Variants in FAM185A observed in about 807,000 individuals in gnomAD.
FAM185A encodes the protein protein FAM185A.
FAM185A carries 21 observed loss-of-function variants against 45.7 expected under a neutral mutation model. The ratio of observed to expected loss-of-function variants is 0.46; its 90% CI spans 0.33 to 0.66. The LOEUF (loss-of-function observed/expected upper bound fraction) is 0.66. FAM185A is among the 30% of genes least tolerant of loss of function. The pLI is 0.03. For synonymous variants in FAM185A, 117 were observed against 194.0 expected, an observed-to-expected ratio of 0.60 and a Z score of 3.30; for missense variants, 305 against 485.4, an observed-to-expected ratio of 0.63 and a Z score of 3.49.
At chr7:102,771,246 A>T (rs1794727559) in intron 4 of FAM185A, among the ~76,000 whole-genome samples, 1 of 152,026 alleles carries the variant, frequency 6.6e-6, no homozygotes, top group Non-Finnish European at 1.5e-5. Flanking sequence ...TTGAAAAACT[A>T]TTGGGTACTA....
the FAM185A span, among the ~76,000 whole-genome samples, chr7:102,826,724 C>CTCATAT: frequency 1.6e-4 from 10 of 62,710 alleles, no homozygotes; most frequent in African/African-American, 4.6e-4. Context: ...GACCCTGTCT[C>CTCATAT]ATATATATAT....
chr7:102,828,174 A>G, the FAM185A span, among the ~76,000 whole-genome samples: 1 of 152,182 alleles, frequency 6.6e-6, no homozygotes, highest in Non-Finnish European at 1.5e-5. Context: ...TACCTTGGGC[A>G]GTATGGCCAT....
intron 7 of FAM185A, among the ~76,000 whole-genome samples, chr7:102,797,382 A>G (rs1422261992): frequency 6.6e-6 from 1 of 151,782 alleles, no homozygotes; most frequent in East Asian, 1.9e-4. Context: ...AGGCTGAGGG[A>G]GGAGAATCAT....
intron 7 of FAM185A, among the ~76,000 whole-genome samples, chr7:102,803,224 A>T (rs1236681265): frequency 4.6e-5 from 7 of 152,174 alleles, no homozygotes; most frequent in Admixed American, 6.5e-5. Flanking sequence ...AAAGGATACA[A>T]CCAAAAAAGA....
the FAM185A span, among the ~76,000 whole-genome samples, chr7:102,847,207 GAA>G: frequency 7.0e-6 from 1 of 142,108 alleles, no homozygotes. Flanking sequence ...AACTTTACAG[GAA>G]AAAAAAAAAA....
the FAM185A span, among the ~76,000 whole-genome samples, chr7:102,846,527 G>A: frequency 7.7e-6 from 1 of 129,406 alleles, no homozygotes; most frequent in South Asian, 2.3e-4. Context: ...GCTGAGGTGG[G>A]AGAATTGTCT....
chr7:102,785,988 A>T (rs2129441224), intron 6 of FAM185A, among the ~76,000 whole-genome samples: 1 of 152,342 alleles, frequency 6.6e-6, no homozygotes, highest in African/African-American at 2.4e-5. Context: ...TTACAAGAAA[A>T]AAACAAACAG....
At chr7:102,844,793 C>G in the FAM185A span, among the ~76,000 whole-genome samples, 9 of 152,134 alleles carry the variant, frequency 5.9e-5, no homozygotes, top group Non-Finnish European at 1.2e-4. Context: ...ATCGCAAGTC[C>G]CAGGTTGTCA....
chr7:102,766,788 TTTTTG>T (rs1220721631), intron 4 of FAM185A, among the ~76,000 whole-genome samples: 4 of 151,734 alleles, frequency 2.6e-5, no homozygotes, highest in South Asian at 2.1e-4. Context: ...TTTTTTGTTT[TTTTTG>T]TTTTGTTTTG....
the FAM185A span, among the ~76,000 whole-genome samples, chr7:102,838,863 A>T: frequency 6.6e-6 from 1 of 152,156 alleles, no homozygotes; most frequent in Admixed American, 6.5e-5. Context: ...TCCCCATGTG[A>T]TAGTCTGAAA....
intron 7 of FAM185A, among the ~76,000 whole-genome samples, chr7:102,804,218 T>C (rs1173920696): frequency 1.3e-5 from 2 of 152,224 alleles, no homozygotes; most frequent in Middle Eastern, 3.4e-3. Flanking sequence ...AAGAGTCCCA[T>C]AGCCAAAGCA....
chr7:102,818,204 C>A, the FAM185A span, among the ~76,000 whole-genome samples: 1 of 152,200 alleles, frequency 6.6e-6, no homozygotes, highest in East Asian at 1.9e-4. Flanking sequence ...TTAGGCAAAA[C>A]AGAGCACGTG....
intron 7 of FAM185A, among the ~76,000 whole-genome samples, chr7:102,793,642 CAAACTTTATCTGT>C (rs1796270690): frequency 6.6e-6 from 1 of 151,980 alleles, no homozygotes; most frequent in Non-Finnish European, 1.5e-5. Flanking sequence ...CATTCATCTG[CAAACTTTATCTGT>C]AAACACCATA....
chr7:102,754,609 A>T (rs576259542), intron 2 of FAM185A, among the ~76,000 whole-genome samples: 1,715 of 151,994 alleles, frequency 0.011, no homozygotes, highest in African/African-American at 0.04. Flanking sequence ...AAGAAACTAG[A>T]AGGCACCAAG....
chr7:102,816,229 C>A, the FAM185A span: 15 of 152,238 alleles, frequency 9.9e-5, no homozygotes, highest in Admixed American at 3.3e-4. Context: ...CAGACCCACT[C>A]TCCTTCCAGA....
At chr7:102,780,841 G>T (rs560067835) in intron 6 of FAM185A, among the ~76,000 whole-genome samples, 1 of 152,220 alleles carries the variant, frequency 6.6e-6, no homozygotes, top group Non-Finnish European at 1.5e-5. Context: ...CGCACCGAGC[G>T]TGAGCCAAAG....
At chr7:102,761,817 T>C (rs1794124824) in intron 4 of FAM185A, among the ~76,000 whole-genome samples, 1 of 151,840 alleles carries the variant, frequency 6.6e-6, no homozygotes, top group Non-Finnish European at 1.5e-5. Context: ...GTGTGCGCTA[T>C]CACGCTAGGC....
At chr7:102,783,105 G>T (rs1039162631) in intron 6 of FAM185A, among the ~76,000 whole-genome samples, 15 of 151,832 alleles carry the variant, frequency 9.9e-5, no homozygotes, top group Admixed American at 9.8e-4. Flanking sequence ...GATAACTATC[G>T]TAAATATATA....
At chr7:102,751,010 T>G (rs933454015) in intron 1 of FAM185A, among the ~76,000 whole-genome samples, 2 of 152,264 alleles carry the variant, frequency 1.3e-5, no homozygotes, top group South Asian at 2.1e-4. Context: ...ACTTCACGGT[T>G]TTAAGCAATC....
Sources: allele counts gnomAD v4.1 joint callset (sites outside exome capture counted in the v4.1 genomes callset), GRCh38; gene constraint gnomAD v4.1.1; transcripts MANE v1.5; gene names NCBI Gene and HGNC (gene_info 2026-07-23, HGNC 2026-07-21).